Variants in UNC80 observed in about 807,000 individuals in gnomAD.
UNC80 encodes protein unc-80 homolog.
UNC80 carries 164 observed loss-of-function variants against 384.6 expected under a neutral mutation model. The observed-to-expected ratio is 0.43, with a 90% CI of 0.38 to 0.49. The LOEUF (loss-of-function observed/expected upper bound fraction) is 0.49, where lower values mean the gene tolerates loss of function less well. Ranked by LOEUF, UNC80 falls within the 20% of genes least tolerant of loss-of-function variation. The pLI, the probability that UNC80 is intolerant of heterozygous loss-of-function variation, is 0.00. For synonymous variants in UNC80, 1,486 were observed against 1,527.8 expected (o/e 0.97, Z 0.64); for missense variants, 3,330 against 4,143.0 (o/e 0.80, Z 5.39).
Position 209,977,203 on chromosome 2 carries a change from G to A in UNC80, c.8938+125G>A, listed in dbSNP as rs560491390. ...AATATGTTAGCCATTTTGGTACACTGTTAGATTTGACCATTTCTAATAAGT... is the reference window on the plus strand; with the variant it reads ...AATATGTTAGCCATTTTGGTACACTATTAGATTTGACCATTTCTAATAAGT... On this transcript the variant is annotated intron_variant, in intron 58 of 64. Coordinates refer to ENST00000673920, the MANE Select transcript of UNC80 (RefSeq NM_001371986.1). The A allele has an allele frequency of 7.8e-5, 76 of 980,514 alleles. 2 individuals are homozygous for A. The South Asian group carries it at 3.2e-3, about 41-fold the overall frequency. The allele number at this position is 980,514 out of a possible 1,614,324, so 60.7% of individuals were successfully genotyped here.
At chr2:209,966,476 C>T (rs2092744542) in intron 51 of UNC80, among the ~76,000 whole-genome samples, 1 of 152,166 alleles carries the variant, frequency 6.6e-6, no homozygotes, top group Non-Finnish European at 1.5e-5. Context: ...CTCCTTCATA[C>T]AAAATTAAAT....
chr2:209,929,796 T>C (rs1021104983), intron 36 of UNC80, 75 bp from the exon 37 acceptor site: 1 of 1,170,986 alleles, frequency 8.5e-7, no homozygotes, highest in South Asian at 1.6e-5. Context: ...CTAAAGCTTG[T>C]AAATTGTCAA....
Position 209,926,923 on chromosome 2 carries a change from G to A in UNC80, c.5743G>A (p.Ala1915Thr). ...AGCAGTGTTCCCAGCATGCATCTGT[G>A]CAGCAGTACTTCCCATTGTTCATCT... is the stretch of plus-strand genomic sequence containing the variant. ...PQAVFPACICAAVLPIVHLME... is the reference protein window; with the variant it reads ...PQAVFPACICTAVLPIVHLME... The change falls in exon 36 of 65, where the codon GCA becomes ACA. Residue 1915 changes from alanine (A) to threonine (T), a missense_variant. By Grantham distance (58) the Ala-to-Thr change is moderately conservative (BLOSUM62 0). Transcript: ENST00000673920. 6.4e-7 allele frequency: 1 copy of A among 1,552,250 alleles called. No individual in the cohort carries two copies. Among genetic ancestry groups the A allele is most frequent in the Non-Finnish European group, 8.7e-7 (1 of 1,147,078 alleles).
At chr2:209,879,921 T>C (rs1001212514) in intron 24 of UNC80, among the ~76,000 whole-genome samples, 1 of 152,230 alleles carries the variant, frequency 6.6e-6, no homozygotes, top group Non-Finnish European at 1.5e-5. Context: ...CCACCTATTT[T>C]CAAATGAAAT....
At chr2:209,905,118 C>A (rs1034096128) in intron 29 of UNC80, among the ~76,000 whole-genome samples, 153 bp downstream of exon 29, 1 of 152,132 alleles carries the variant, frequency 6.6e-6, no homozygotes, top group Admixed American at 6.5e-5. Context: ...ACAAGAAAGA[C>A]AAATGTTTTG....
intron 62 of UNC80, 71 bp downstream of exon 62, chr2:209,992,318 T>A (rs1029377649): frequency 7.2e-7 from 1 of 1,398,544 alleles, no homozygotes; most frequent in Non-Finnish European, 9.9e-7. Context: ...TTAATGCCCA[T>A]GTATATTAAG....
chr2:209,888,791 T>A (rs2086069052), intron 26 of UNC80, among the ~76,000 whole-genome samples: 2 of 151,792 alleles, frequency 1.3e-5, no homozygotes, highest in South Asian at 2.1e-4. Flanking sequence ...AATTTTTGTA[T>A]TTTTTTTCTT....
rs780332904 is a variant in UNC80 at position 209,772,063 on chromosome 2, A to G, written c.-10A>G. 1.9e-6 allele frequency: 3 copies of G among 1,546,432 alleles called. No individual in the cohort carries two copies. In the South Asian group the frequency reaches 3.6e-5, roughly 18 times the overall value. On this transcript the variant is annotated 5_prime_UTR_variant, in exon 1 of 65. Transcript: ENST00000673920. ...TGGGTCCTGCAGTAGGACTCCCGGGAGCCACCATTATGGTGAAGAGGAAGA... is the reference window on the plus strand; with the variant it reads ...TGGGTCCTGCAGTAGGACTCCCGGGGGCCACCATTATGGTGAAGAGGAAGA...
chr2:209,992,373 G>C (rs2093408524), intron 62 of UNC80, 126 bp downstream of exon 62: 1 of 845,518 alleles, frequency 1.2e-6, no homozygotes, highest in Non-Finnish European at 1.9e-6. Context: ...TACTGGGGAG[G>C]CTGATGTGGG....
chr2:209,815,476 T>A, intron 9 of UNC80, 85 bp downstream of exon 9: 1 of 1,414,402 alleles, frequency 7.1e-7, no homozygotes, highest in Non-Finnish European at 9.5e-7. Context: ...GATACTGCAG[T>A]ATGGGGTGAG....
chr2:209,804,764 TTTTGTTTTG>T (rs1559118030), intron 7 of UNC80, among the ~76,000 whole-genome samples: 3,135 of 52,490 alleles, frequency 0.06, 102 homozygotes, highest in African/African-American at 0.23. Context: ...TTTTTTTTTG[TTTTGTTTTG>T]TTTTTTTTTT....
intron 55 of UNC80, 145 bp downstream of exon 55, chr2:209,972,469 A>G: frequency 8.2e-7 from 1 of 1,216,696 alleles, no homozygotes; most frequent in Non-Finnish European, 1.1e-6. Flanking sequence ...AGGAAATAAG[A>G]GTTTTTCTTT....
rs10183324 is a variant in UNC80, at chr2:209,926,166, T to A, written c.5663-677T>A. Among the ~76,000 whole-genome samples the A allele has an allele frequency of 3.3e-3, 505 of 152,346 alleles. 2 individuals carry two copies. Among genetic ancestry groups the A allele is most frequent in the African/African-American group, 0.012 (488 of 41,580 alleles). ...ATGTGTGTTTTCTTCTACCCCATAT[T>A]ACTGCTTACTATCTCTCACACACTC... On this transcript the variant is annotated intron_variant, in intron 35 of 64. Transcript: ENST00000673920.
At position 209,976,987 on chromosome 2, in the gene UNC80, C is replaced by T. The variant is rs1355063458; in HGVS notation, c.8847C>T (p.Arg2949=). 1 of 1,538,702 alleles carries T rather than the reference C, an allele frequency of 6.5e-7. No homozygotes were observed. Among genetic ancestry groups the T allele is most frequent in the Admixed American group, 2.0e-5 (1 of 50,856 alleles). Reference sequence around the variant, plus strand: ...ATATTGCCGACCAGCTGGAGCGGCGCTTCATACCACGCCCTTTGTGTAAGA... The same window carrying T: ...ATATTGCCGACCAGCTGGAGCGGCGTTTCATACCACGCCCTTTGTGTAAGA... ...RQHIADQLER[R]FIPRPLCKSS... The change falls in exon 58 of 65, where the codon CGC becomes CGT. Residue 2949 remains arginine (R), a synonymous_variant. Coordinates refer to ENST00000673920, the MANE Select transcript of UNC80 (RefSeq NM_001371986.1). The surrounding 1 kb of genome is among the most constrained non-coding windows in gnomAD (Gnocchi z 4.3).
intron 25 of UNC80, among the ~76,000 whole-genome samples, chr2:209,881,625 G>A (rs1054733661): frequency 1.4e-5 from 2 of 147,164 alleles, no homozygotes; most frequent in Non-Finnish European, 3.0e-5. Context: ...ATGTGTGCAT[G>A]CACACACACA....
intron 47 of UNC80, among the ~76,000 whole-genome samples, chr2:209,953,484 G>A (rs1234896446): frequency 1.3e-5 from 2 of 150,738 alleles, no homozygotes; most frequent in Admixed American, 6.6e-5. Context: ...CTTTAGAGGG[G>A]AAAACCCACT....
In UNC80 at chr2:209,875,087, G is replaced by A. The variant is rs139289191; in HGVS notation, c.3840+2117G>A. On this transcript the variant is annotated intron_variant, in intron 23 of 64. Coordinates refer to ENST00000673920, the MANE Select transcript of UNC80 (RefSeq NM_001371986.1). ...TCCTCACAGTCTCCTCTCATTTAAT[G>A]CATCCTACACACTGTCAGTGAAAAG... Among the ~76,000 whole-genome samples, 199 of 152,050 alleles carry A rather than the reference G, an allele frequency of 1.3e-3. 2 individuals are homozygous for A. The highest frequency in any genetic ancestry group is 9.9e-3 in the East Asian group (51 of 5,166).
intron 4 of UNC80, among the ~76,000 whole-genome samples, chr2:209,778,342 G>A (rs1417068325): frequency 6.6e-6 from 1 of 152,140 alleles, no homozygotes; most frequent in Non-Finnish European, 1.5e-5. Flanking sequence ...ACAGGCTGCA[G>A]TCAACCTAGA....
In UNC80 at chr2:209,982,239, T is replaced by C. The variant is rs1001497433; in HGVS notation, c.9179T>C (p.Ile3060Thr). The C allele has an allele frequency of 2.9e-5, 45 of 1,551,600 alleles. No homozygotes were observed. The East Asian group carries it at 7.6e-4, about 26-fold the overall frequency. The change falls in exon 60 of 65, where the codon ATT becomes ACT. Residue 3060 changes from isoleucine (I) to threonine (T), a missense_variant. Ile to Thr is a moderately conservative substitution (Grantham distance 89). This residue lies in a region of UNC80 where 216 missense variants were observed against 245.3 expected (regional missense o/e 0.88). Transcript: ENST00000673920. ...SEQEAYLLSAIGRRRFSSHVS... is the reference protein window; with the variant it reads ...SEQEAYLLSATGRRRFSSHVS... ...CAAGAAGCTTACCTCCTGAGTGCCATTGGAAGGAGGCGATTCTCCAGCCAT... is the reference window on the plus strand; with the variant it reads ...CAAGAAGCTTACCTCCTGAGTGCCACTGGAAGGAGGCGATTCTCCAGCCAT...
Sources: gnomAD v4.1 joint callset for allele counts (sites outside exome capture counted in the v4.1 genomes callset) on GRCh38, gnomAD v4.1.1 for gene constraint, gnomAD v4.1.1 regional missense constraint, Gnocchi (gnomAD v3.1) non-coding constraint, MANE v1.5 for transcripts, NCBI Gene and HGNC (gene_info 2026-07-23, HGNC 2026-07-21) for gene names.